The following FER1L6 variants were observed in gnomAD, a reference collection of about 807,000 sequenced individuals.
FER1L6 encodes fer-1 like family member 6.
Under a neutral mutation model 219.2 loss-of-function variants are expected in FER1L6, and 177 were observed. That is an observed-to-expected ratio of 0.81 (90% CI 0.71 to 0.91). The LOEUF (loss-of-function observed/expected upper bound fraction) is 0.91, where lower values mean the gene tolerates loss of function less well. FER1L6 is among the 40% of genes least tolerant of loss of function. FER1L6 has a pLI of 0.00. For missense variants in FER1L6, 2,153 were observed against 2,259.9 expected, an observed-to-expected ratio of 0.95 and a Z score of 0.96; for synonymous variants, 768 against 824.3, an observed-to-expected ratio of 0.93 and a Z score of 1.17.
intron 39 of FER1L6, among the ~76,000 whole-genome samples, chr8:124,110,115 A>G (rs1822957800): frequency 6.6e-6 from 1 of 152,220 alleles, no homozygotes; most frequent in South Asian, 2.1e-4. Context: ...AACACATCCA[A>G]TGACTTCCCT....
chr8:124,011,952 A>G (rs559389908), intron 14 of FER1L6, among the ~76,000 whole-genome samples: 1 of 152,344 alleles, frequency 6.6e-6, no homozygotes, highest in East Asian at 1.9e-4. Flanking sequence ...AAAGTATTTT[A>G]TACTGTAAAC....
rs1818432234 is a variant in FER1L6, at chr8:124,020,998, G to A, written c.2014-552G>A. ...TTCCACATGGCTAAGAGGCCATGGT[G>A]GCCTCCAGTCATGGTGGAAGGCAAG... is the stretch of plus-strand genomic sequence containing the variant. On this transcript the variant is annotated intron_variant, in intron 16 of 40. Transcript: ENST00000522917. 2.6e-5 allele frequency among the ~76,000 whole-genome samples: 4 copies of A among 152,130 alleles called. No homozygotes were observed. The South Asian group carries it at 8.3e-4, about 32-fold the overall frequency.
At chr8:124,074,757 T>G (rs188349998) in intron 31 of FER1L6, among the ~76,000 whole-genome samples, 1 of 152,118 alleles carries the variant, frequency 6.6e-6, no homozygotes, top group Non-Finnish European at 1.5e-5. Flanking sequence ...TGTGCAAGTG[T>G]CATACTGTAT....
Position 123,930,291 on chromosome 8 carries a change from G to A in FER1L6, c.-7-25701G>A, listed in dbSNP as rs1403186200. On this transcript the variant is annotated intron_variant, in intron 1 of 40. Transcript: ENST00000522917. ...ATACAGAATAGCTCCATTGCCACAA[G>A]GATCCCACATGTTGTCTATCTCTAT... Among the ~76,000 whole-genome samples, 2 of 151,990 alleles carry A rather than the reference G, an allele frequency of 1.3e-5. 1 individual carries two copies. Among genetic ancestry groups the A allele is most frequent in the Non-Finnish European group, 2.9e-5 (2 of 68,020 alleles).
At chr8:124,071,881 T>C (rs1394413931) in intron 31 of FER1L6, among the ~76,000 whole-genome samples, 1 of 151,856 alleles carries the variant, frequency 6.6e-6, no homozygotes, top group African/African-American at 2.4e-5. Context: ...ATAGGGAGAG[T>C]GCGAGCTCTG....
chr8:124,074,439 C>T (rs572787857), intron 31 of FER1L6, among the ~76,000 whole-genome samples: 20 of 152,190 alleles, frequency 1.3e-4, no homozygotes, highest in Admixed American at 3.3e-4. Context: ...GGGCAGATTG[C>T]TTGAGCTCAG....
chr8:124,105,368 A>C (rs938350719), intron 39 of FER1L6, among the ~76,000 whole-genome samples: 12 of 152,212 alleles, frequency 7.9e-5, no homozygotes, highest in Admixed American at 2.0e-4. Flanking sequence ...CCTCGAGACT[A>C]TGGTGAAAAG....
In FER1L6 at chr8:124,033,817, T is replaced by C. The variant is rs544823723; in HGVS notation, c.2287-1460T>C. 2.1e-4 allele frequency among the ~76,000 whole-genome samples: 32 copies of C among 152,356 alleles called. 1 individual carries two copies. The South Asian group carries it at 6.6e-3, about 32-fold the overall frequency. On this transcript the variant is annotated intron_variant, in intron 18 of 40. Transcript: ENST00000522917. ...GAAGGATGGAAATCACTGCTGCTACTTCTCAGTTTCCTCAGTACTTTCTGT... is the reference window on the plus strand; with the variant it reads ...GAAGGATGGAAATCACTGCTGCTACCTCTCAGTTTCCTCAGTACTTTCTGT...
At chr8:124,033,564 A>G (rs894910533) in intron 18 of FER1L6, among the ~76,000 whole-genome samples, 27 of 152,118 alleles carry the variant, frequency 1.8e-4, no homozygotes, top group African/African-American at 6.3e-4. Flanking sequence ...GCTCCTCCAC[A>G]TACTGAGCAG....
At chr8:123,900,879 T>C (rs533114229) in intron 1 of FER1L6, among the ~76,000 whole-genome samples, 58 of 152,334 alleles carry the variant, frequency 3.8e-4, no homozygotes, top group African/African-American at 1.4e-3. Flanking sequence ...ATTATCTTTT[T>C]GATATGTTGT....
chr8:123,891,554 A>C (rs1270175719), intron 1 of FER1L6, among the ~76,000 whole-genome samples: 1 of 152,194 alleles, frequency 6.6e-6, no homozygotes, highest in African/African-American at 2.4e-5. Context: ...TGAGTAACCT[A>C]CTTTAATACA....
intron 1 of FER1L6, among the ~76,000 whole-genome samples, chr8:123,929,499 C>T (rs1406668842): frequency 6.6e-6 from 1 of 152,142 alleles, no homozygotes; most frequent in Non-Finnish European, 1.5e-5. Context: ...AGAGCTCATG[C>T]TTACTGTTTC....
chr8:124,021,890 TA>T (rs1451373466), intron 17 of FER1L6, among the ~76,000 whole-genome samples: 1 of 151,868 alleles, frequency 6.6e-6, no homozygotes, highest in African/African-American at 2.4e-5. Flanking sequence ...TTCAGCAAAA[TA>T]AAAGGCACAT....
intron 39 of FER1L6, among the ~76,000 whole-genome samples, chr8:124,115,473 T>C (rs1379449143): frequency 2.6e-5 from 4 of 152,154 alleles, no homozygotes; most frequent in Admixed American, 2.6e-4. Flanking sequence ...TTCATGATGA[T>C]AACAAATGAC....
chr8:123,948,744 A>G (rs62518732), intron 1 of FER1L6, among the ~76,000 whole-genome samples: 1,650 of 151,688 alleles, frequency 0.011, 10 homozygotes, highest in Non-Finnish European at 0.016. Context: ...CCTCCAGTGC[A>G]GTGTTAAATA....
intron 2 of FER1L6, among the ~76,000 whole-genome samples, chr8:123,960,915 A>C (rs1189102457): frequency 6.6e-6 from 1 of 152,184 alleles, no homozygotes; most frequent in Non-Finnish European, 1.5e-5. Flanking sequence ...ATTGACCTGC[A>C]GACGGCAGGA....
chr8:124,022,891 T>C (rs1586602805), intron 17 of FER1L6, among the ~76,000 whole-genome samples: 1 of 143,080 alleles, frequency 7.0e-6, no homozygotes, highest in African/African-American at 2.7e-5. Flanking sequence ...CAATTTGGCA[T>C]GTGGGTTTGT....
intron 2 of FER1L6, among the ~76,000 whole-genome samples, chr8:123,959,193 G>A (rs1036241996): frequency 6.6e-6 from 1 of 152,150 alleles, no homozygotes; most frequent in African/African-American, 2.4e-5. Flanking sequence ...AGAAGCTTTA[G>A]CTGACTGCCT....
At chr8:124,068,133 T>C (rs1820902761) in intron 28 of FER1L6, among the ~76,000 whole-genome samples, 1 of 152,194 alleles carries the variant, frequency 6.6e-6, no homozygotes, top group Non-Finnish European at 1.5e-5. Flanking sequence ...CATGATAAAC[T>C]TTGTTAGAGG....
Sources: allele counts gnomAD v4.1 joint callset (sites outside exome capture counted in the v4.1 genomes callset), GRCh38; gene constraint gnomAD v4.1.1; transcripts MANE v1.5; gene names NCBI Gene and HGNC (gene_info 2026-07-23, HGNC 2026-07-21).